The following PRKAR2B variants were observed in gnomAD, a reference collection of about 807,000 sequenced individuals.
The protein encoded by PRKAR2B is cAMP-dependent protein kinase type II-beta regulatory subunit.
Under a neutral mutation model 49.9 loss-of-function variants are expected in PRKAR2B, and 14 were observed. The ratio of observed to expected loss-of-function variants is 0.28; its 90% CI spans 0.19 to 0.44. The LOEUF is 0.44. PRKAR2B is among the 20% of genes least tolerant of loss of function. The probability of loss-of-function intolerance (pLI) is 1.00; values close to 1 mark genes in which losing one functional copy is unlikely to be tolerated. For missense variants in PRKAR2B, 393 were observed against 537.9 expected (o/e 0.73, Z 2.67); for synonymous variants, 196 against 197.7 (o/e 0.99, Z 0.07).
At chr7:107,151,674 G>T (rs182579263) in intron 7 of PRKAR2B, among the ~76,000 whole-genome samples, 1 of 152,308 alleles carries the variant, frequency 6.6e-6, no homozygotes, top group Non-Finnish European at 1.5e-5. Context: ...ACTCACATCA[G>T]CCTACAGCTG....
intron 3 of PRKAR2B, among the ~76,000 whole-genome samples, chr7:107,122,420 T>A (rs1355251356): frequency 6.6e-6 from 1 of 152,166 alleles, no homozygotes; most frequent in Non-Finnish European, 1.5e-5. Context: ...TTAGGATTAT[T>A]TTTTAAATCT....
chr7:107,050,284 A>G (rs1454891421), intron 1 of PRKAR2B, among the ~76,000 whole-genome samples: 3 of 149,228 alleles, frequency 2.0e-5, no homozygotes, highest in East Asian at 2.0e-4. Flanking sequence ...TAATTTTTCT[A>G]TCAAAAACCA....
At chr7:107,133,557 G>T (rs1795640889) in intron 4 of PRKAR2B, 1 of 152,162 alleles carries the variant, frequency 6.6e-6, no homozygotes, top group African/African-American at 2.4e-5. Flanking sequence ...AATGGTCCCT[G>T]TGGGGCCAAT....
At chr7:107,068,931 G>C (rs1794207423) in intron 1 of PRKAR2B, 2 of 152,030 alleles carry the variant, frequency 1.3e-5, no homozygotes, top group African/African-American at 4.8e-5. Flanking sequence ...GTTGTTTGAA[G>C]ATGCTGATTT....
intron 8 of PRKAR2B, among the ~76,000 whole-genome samples, chr7:107,154,837 T>A (rs767449420): frequency 5.3e-5 from 8 of 152,188 alleles, no homozygotes; most frequent in Non-Finnish European, 7.3e-5. Flanking sequence ...AGAACAGGTA[T>A]ATGGGTAGAG....
chr7:107,141,893 T>C (rs187050404), intron 5 of PRKAR2B, among the ~76,000 whole-genome samples: 1 of 152,332 alleles, frequency 6.6e-6, no homozygotes, highest in Admixed American at 6.5e-5. Flanking sequence ...CTTGCATTTA[T>C]GTTGAAAATC....
At chr7:107,091,407 A>G (rs1361740281) in intron 2 of PRKAR2B, among the ~76,000 whole-genome samples, 1 of 152,176 alleles carries the variant, frequency 6.6e-6, no homozygotes, top group East Asian at 1.9e-4. Context: ...CTCCTCCCAG[A>G]GGAGGGTGCA....
intron 1 of PRKAR2B, among the ~76,000 whole-genome samples, chr7:107,056,174 T>C (rs1318742968): frequency 1.3e-5 from 2 of 152,220 alleles, no homozygotes; most frequent in Non-Finnish European, 2.9e-5. Context: ...CATTGGTCTG[T>C]ATCTCTGTTG....
intron 2 of PRKAR2B, among the ~76,000 whole-genome samples, chr7:107,119,572 C>T (rs529571476): frequency 1.3e-5 from 2 of 152,296 alleles, no homozygotes; most frequent in South Asian, 2.1e-4. Flanking sequence ...TCTGGAGAGT[C>T]GCAGCCAACC....
chr7:107,110,121 G>T (rs1478272966), intron 2 of PRKAR2B, among the ~76,000 whole-genome samples: 1 of 152,174 alleles, frequency 6.6e-6, no homozygotes, highest in Non-Finnish European at 1.5e-5. Context: ...AGAGAGTGTA[G>T]CAGTTGTGAG....
Position 107,159,712 on chromosome 7 carries a change from C to A in PRKAR2B, c.*130C>A. 1 of 921,452 alleles carries A rather than the reference C, an allele frequency of 1.1e-6. No homozygotes were observed. The highest frequency in any genetic ancestry group is 1.7e-5 in the African/African-American group (1 of 59,940). 57.1% of individuals were successfully genotyped at this position (921,452 alleles called of 1,614,324 possible). ...TTTTTTCCTTTTTTTACATTTACAA[C>A]GTATCAATAAACAGTAGTGATTTAA... On this transcript the variant is annotated 3_prime_UTR_variant, in exon 11 of 11. Coordinates refer to ENST00000265717, the MANE Select transcript of PRKAR2B (RefSeq NM_002736.3).
chr7:107,054,679 T>C (rs1161670515), intron 1 of PRKAR2B, among the ~76,000 whole-genome samples: 1 of 152,170 alleles, frequency 6.6e-6, no homozygotes, highest in African/African-American at 2.4e-5. Flanking sequence ...TCTTTCTAAG[T>C]CTTTCCTGTA....
At chr7:107,134,060 G>C (rs1296748209) in intron 4 of PRKAR2B, among the ~76,000 whole-genome samples, 1 of 151,776 alleles carries the variant, frequency 6.6e-6, no homozygotes, top group Non-Finnish European at 1.5e-5. Context: ...TGAGAGTCTC[G>C]CTCTGTTGCC....
chr7:107,109,273 T>A (rs887333641), intron 2 of PRKAR2B, among the ~76,000 whole-genome samples: 1 of 152,148 alleles, frequency 6.6e-6, no homozygotes. Context: ...ATTTTGTTTT[T>A]TTAAGAGACA....
intron 4 of PRKAR2B, among the ~76,000 whole-genome samples, chr7:107,139,818 T>C (rs1179017928): frequency 6.6e-6 from 1 of 152,234 alleles, no homozygotes; most frequent in Non-Finnish European, 1.5e-5. Flanking sequence ...ATTCAGAATA[T>C]CTTGTTTCTT....
intron 1 of PRKAR2B, among the ~76,000 whole-genome samples, chr7:107,052,324 A>G (rs1793823008): frequency 2.0e-5 from 3 of 152,192 alleles, no homozygotes; most frequent in African/African-American, 4.8e-5. Flanking sequence ...AGGCTGAAGC[A>G]GGAGAATCGC....
chr7:107,082,400 T>C (rs1036569617), intron 2 of PRKAR2B, among the ~76,000 whole-genome samples: 2 of 152,164 alleles, frequency 1.3e-5, no homozygotes, highest in Non-Finnish European at 1.5e-5. Flanking sequence ...CTTAAGTACA[T>C]TTATATGAAG....
At chr7:107,050,370 C>G (rs1214585924) in intron 1 of PRKAR2B, among the ~76,000 whole-genome samples, 3 of 98,312 alleles carry the variant, frequency 3.1e-5, no homozygotes, top group Non-Finnish European at 5.3e-5. Context: ...TTTGTGGATG[C>G]ACATAAATTG....
At chr7:107,070,040 T>C (rs934239345) in intron 1 of PRKAR2B, 2 of 340,156 alleles carry the variant, frequency 5.9e-6, no homozygotes, top group Non-Finnish European at 1.1e-5. Context: ...TGTCTGTAAC[T>C]AGGGATTTTT....
Sources: allele counts gnomAD v4.1 joint callset (sites outside exome capture counted in the v4.1 genomes callset), GRCh38; gene constraint gnomAD v4.1.1; transcripts MANE v1.5; gene names NCBI Gene and HGNC (gene_info 2026-07-23, HGNC 2026-07-21).